ITIH2: variants seen among roughly 807,000 people sequenced by gnomAD.
ITIH2 encodes the protein inter-alpha-trypsin inhibitor heavy chain 2.
In ITIH2, 103 loss-of-function variants were observed where a neutral mutation model predicts 104.4. The ratio of observed to expected loss-of-function variants is 0.99; its 90% CI spans 0.84 to 1.16. The LOEUF is 1.16. Among genes scored for constraint, ITIH2 ranks in the 50% most tolerant of loss-of-function variants. ITIH2 has a pLI of 0.00. For synonymous variants in ITIH2, 436 were observed against 435.4 expected (o/e 1.00, Z -0.02); for missense variants, 1,108 against 1,162.4 (o/e 0.95, Z 0.68).
chr10:7,704,543 C>T (rs1019672604), intron 1 of ITIH2, among the ~76,000 whole-genome samples: 5 of 152,202 alleles, frequency 3.3e-5, no homozygotes, highest in Admixed American at 3.3e-4. Flanking sequence ...TCCCCAGACA[C>T]CCACCTAATC....
chr10:7,738,640 C>T lies in ITIH2; in HGVS notation c.1977C>T (p.Ser659=). 1 of 1,613,934 alleles carries T rather than the reference C, an allele frequency of 6.2e-7. No homozygotes were observed. The change falls in exon 16 of 21, where the codon AGC becomes AGT. Residue 659 remains serine, a synonymous_variant. Coordinates refer to ENST00000358415, the MANE Select transcript of ITIH2 (RefSeq NM_002216.3). ...SCCSGALYYG[S]KVVPDSTPSW... ...ACGCAGGGGCCCTGTATTACGGCAG[C>T]AAAGTGGTTCCAGATTCCACCCCGT...
intron 20 of ITIH2, among the ~76,000 whole-genome samples, chr10:7,748,133 C>T (rs1226167010): frequency 1.3e-5 from 2 of 150,890 alleles, no homozygotes; most frequent in Non-Finnish European, 2.9e-5. Context: ...CACTTGAACC[C>T]GGAAGGCAGA....
At chr10:7,740,774 G>T (rs992717819) in intron 16 of ITIH2, among the ~76,000 whole-genome samples, 1 of 152,038 alleles carries the variant, frequency 6.6e-6, no homozygotes, top group East Asian at 1.9e-4. Flanking sequence ...CCTCTAAAAC[G>T]GGGATGATAA....
chr10:7,725,488 G>C (rs1203747630), intron 9 of ITIH2, among the ~76,000 whole-genome samples: 1 of 152,214 alleles, frequency 6.6e-6, no homozygotes, highest in Non-Finnish European at 1.5e-5. Context: ...GTCATGATCA[G>C]AGCTGGATTC....
At chr10:7,740,051 T>A (rs940491813) in intron 16 of ITIH2, among the ~76,000 whole-genome samples, 3 of 152,068 alleles carry the variant, frequency 2.0e-5, no homozygotes, top group African/African-American at 7.2e-5. Context: ...CCGGGCATGG[T>A]GGCAGGTGCC....
chr10:7,717,589 G>A, intron 5 of ITIH2, 37 bp from the exon 6 acceptor site: 1 of 1,597,726 alleles, frequency 6.3e-7, no homozygotes, highest in Non-Finnish European at 8.6e-7. Flanking sequence ...GCTCAATCAT[G>A]TATCTGTTGA....
At chr10:7,730,709 G>T (rs1227268164) in intron 12 of ITIH2, among the ~76,000 whole-genome samples, 1 of 152,010 alleles carries the variant, frequency 6.6e-6, no homozygotes, top group Admixed American at 6.6e-5. Flanking sequence ...CAAACTACTT[G>T]TTTGTTTTGA....
rs750586095 is a variant in ITIH2, at chr10:7,730,023, T to C, written c.1351T>C (p.Leu451=). 28 of 1,612,960 alleles carry C rather than the reference T, an allele frequency of 1.7e-5. No individual in the cohort carries two copies. Among genetic ancestry groups the C allele is most frequent in the Non-Finnish European group, 2.1e-5 (25 of 1,179,284 alleles). Residue 451 remains leucine, a synonymous_variant, in exon 12 of 21, where the codon TTG becomes CTG. Transcript: ENST00000358415. ...NIQDNISLFS[L]GMGFDVDYDF... is the part of the protein sequence containing the mutation. The stretch of plus-strand genomic sequence containing the variant: ...CCAAGACAATATCTCCTTGTTCAGT[T>C]TGGGCATGGGATTTGATGTGGACTA...
intron 19 of ITIH2, 56 bp downstream of exon 19, chr10:7,745,019 C>A: frequency 6.7e-7 from 1 of 1,493,784 alleles, no homozygotes; most frequent in Admixed American, 1.7e-5. Flanking sequence ...TCTTTAGCAG[C>A]TTTGGTTGAC....
At chr10:7,720,532 AAG>A (rs1834892184) in intron 6 of ITIH2, among the ~76,000 whole-genome samples, 1 of 152,168 alleles carries the variant, frequency 6.6e-6, no homozygotes. Flanking sequence ...ATGAGGGAAA[AAG>A]AAGAAGGAAT....
intron 13 of ITIH2, 112 bp from the exon 14 acceptor site, chr10:7,732,226 G>T (rs1412935946): frequency 7.9e-7 from 1 of 1,261,820 alleles, no homozygotes; most frequent in Non-Finnish European, 1.1e-6. Context: ...CGTAGGCTTT[G>T]CCTTCCATTT....
chr10:7,732,349 G>T lies in ITIH2; in HGVS notation c.1659G>T (p.Gln553His). ...SVITATSANTQLVLETLAQMD... is the reference protein window; with the variant it reads ...SVITATSANTHLVLETLAQMD... ...CTTCCATCATCTAGGCTAACACGCA[G>T]TTAGTCTTGGAGACCCTGGCCCAGA... The change falls in exon 14 of 21, where the codon CAG becomes CAT. Residue 553 changes from glutamine to histidine, a missense_variant. Gln to His is a conservative substitution (Grantham distance 24). Transcript: ENST00000358415. 1 of 1,613,678 alleles carries T rather than the reference G, an allele frequency of 6.2e-7. No individual in the cohort carries two copies.
chr10:7,707,324 C>G lies in ITIH2; in HGVS notation c.192+91C>G, dbSNP rs967757115. ...CTGGGTGTCTCTTTTTTCTTCATCA[C>G]CGAGTATTTACCTGACTTTCGAAAT... On this transcript the variant is annotated intron_variant, in intron 3 of 20. Coordinates refer to ENST00000358415, the MANE Select transcript of ITIH2 (RefSeq NM_002216.3). 7 of 934,798 alleles carry G rather than the reference C, an allele frequency of 7.5e-6. No individual in the cohort carries two copies. In the East Asian group the frequency reaches 1.5e-4, roughly 19 times the overall value. 57.9% of individuals were successfully genotyped at this position (934,798 alleles called of 1,614,324 possible).
At chr10:7,714,577 C>A (rs757731782) in intron 5 of ITIH2, among the ~76,000 whole-genome samples, 9 of 152,168 alleles carry the variant, frequency 5.9e-5, no homozygotes, top group Non-Finnish European at 1.2e-4. Context: ...TTCATTCATG[C>A]ATTTGTTCAT....
chr10:7,718,412 AGG>A (rs974685397), intron 6 of ITIH2, among the ~76,000 whole-genome samples: 1 of 152,096 alleles, frequency 6.6e-6, no homozygotes, highest in Non-Finnish European at 1.5e-5. Context: ...GCGCATCTTT[AGG>A]GGGGGAGGCC....
intron 14 of ITIH2, among the ~76,000 whole-genome samples, chr10:7,734,577 C>T (rs954465831): frequency 1.3e-5 from 2 of 152,080 alleles, no homozygotes; most frequent in Non-Finnish European, 2.9e-5. Context: ...TGCCTGTAGT[C>T]TCAGCTACTC....
At chr10:7,713,117 C>A in intron 4 of ITIH2, 64 bp from the exon 5 acceptor site, 2 of 1,308,374 alleles carry the variant, frequency 1.5e-6, no homozygotes. Flanking sequence ...AAGACTCCAT[C>A]TCGAGGGGAA....
rs755654273 is a variant in ITIH2 at position 7,732,029 on chromosome 10, A to T, written c.1647+33A>T. 2.0e-6 allele frequency: 3 copies of T among 1,519,450 alleles called. No individual in the cohort carries two copies. The South Asian group carries it at 3.5e-5, about 18-fold the overall frequency. 94.1% of individuals were successfully genotyped at this position (1,519,450 alleles called of 1,614,324 possible). A position where few individuals can be genotyped will look rare whatever the true frequency, so the allele number is the denominator to read the frequency against. On this transcript the variant is annotated intron_variant, in intron 13 of 20. Coordinates refer to ENST00000358415, the MANE Select transcript of ITIH2 (RefSeq NM_002216.3). Reference sequence around the variant, plus strand: ...CACTTATCCATTTATTCTATCTACTAACTGACCCCCTAGATACAGTCCCTC... The same window carrying T: ...CACTTATCCATTTATTCTATCTACTTACTGACCCCCTAGATACAGTCCCTC...
At chr10:7,730,313 T>G (rs943354969) in intron 12 of ITIH2, among the ~76,000 whole-genome samples, 180 bp downstream of exon 12, 4 of 152,146 alleles carry the variant, frequency 2.6e-5, no homozygotes, top group African/African-American at 9.7e-5. Flanking sequence ...CCCACCCTCA[T>G]ATTTCTGCAG....
Sources: allele counts gnomAD v4.1 joint callset (sites outside exome capture counted in the v4.1 genomes callset), GRCh38; gene constraint gnomAD v4.1.1; transcripts MANE v1.5; gene names NCBI Gene and HGNC (gene_info 2026-07-23, HGNC 2026-07-21).